Variants in CNRIP1 observed in about 807,000 individuals in gnomAD.
The protein encoded by CNRIP1 is CB1 cannabinoid receptor-interacting protein 1.
CNRIP1 carries 10 observed loss-of-function variants against 15.2 expected under a neutral mutation model. The observed-to-expected ratio is 0.66, with a 90% CI of 0.41 to 1.12. The LOEUF (loss-of-function observed/expected upper bound fraction) is 1.12. Ranked by LOEUF, CNRIP1 falls within the 50% of genes most tolerant of loss-of-function variation. CNRIP1 has a pLI of 0.00. For missense variants in CNRIP1, 211 were observed against 214.7 expected, an observed-to-expected ratio of 0.98 and a Z score of 0.11; for synonymous variants, 91 against 83.2, an observed-to-expected ratio of 1.09 and a Z score of -0.51.
At chr2:68,294,296 TA>T (rs1671267573) in intron 2 of CNRIP1, among the ~76,000 whole-genome samples, 2 of 152,336 alleles carry the variant, frequency 1.3e-5, no homozygotes, top group South Asian at 4.1e-4. Context: ...TTGCTTTTAA[TA>T]AAAATAACTG....
chr2:68,296,483 G>A (rs1441601083), intron 2 of CNRIP1, among the ~76,000 whole-genome samples: 2 of 151,948 alleles, frequency 1.3e-5, no homozygotes, highest in Admixed American at 1.3e-4. Context: ...AGGCTGCAGT[G>A]AGCTATAATC....
chr2:68,302,845 C>CTTTTTTTTT (rs1214086385), intron 2 of CNRIP1, among the ~76,000 whole-genome samples: 1 of 126,276 alleles, frequency 7.9e-6, no homozygotes, highest in African/African-American at 3.3e-5. Context: ...ATTTGAAAAA[C>CTTTTTTTTT]TTTTTTTTTT....
intron 2 of CNRIP1, among the ~76,000 whole-genome samples, chr2:68,296,849 C>T (rs1671381867): frequency 6.6e-6 from 1 of 152,072 alleles, no homozygotes; most frequent in Admixed American, 6.5e-5. Context: ...CCATGTTGGC[C>T]AGTCTGGTCT....
At chr2:68,316,879 A>G (rs1558670197) in intron 2 of CNRIP1, 4 of 601,558 alleles carry the variant, frequency 6.6e-6, no homozygotes, top group South Asian at 6.1e-5. Flanking sequence ...GAAGTAGACT[A>G]TAACTGGGAA....
At chr2:68,291,078 A>G (rs1671157014), downstream of CNRIP1, among the ~76,000 whole-genome samples, 1 of 152,180 alleles carries the variant, frequency 6.6e-6, no homozygotes. Flanking sequence ...GTAGGAGGAG[A>G]GCTATGTGAG....
chr2:68,316,143 T>C (rs1444400766), intron 2 of CNRIP1: 2 of 130,698 alleles, frequency 1.5e-5, no homozygotes, highest in African/African-American at 5.3e-5. Context: ...GGGAACACTT[T>C]AAGTTTCCAA....
chr2:68,317,191 C>G lies in CNRIP1; in HGVS notation c.296G>C (p.Ser99Thr), dbSNP rs1347084090. ...YDTEGVTPTK[S>T]GERQPIQITM... ...GATCTGGATGGGTTGCCGTTCTCCA[C>G]TCTTCGTTGGGGTCACACCTTCTGT... The change falls in exon 2 of 3, where the codon AGT becomes ACT. Residue 99 changes from serine to threonine, a missense_variant. By Grantham distance (58) the Ser-to-Thr change is moderately conservative. Transcript: ENST00000263655. 6.2e-7 allele frequency: 1 copy of G among 1,614,236 alleles called. No homozygotes were observed. Among genetic ancestry groups the G allele is most frequent in the Non-Finnish European group, 8.5e-7 (1 of 1,180,040 alleles).
chr2:68,298,093 TA>T (rs1203369083), intron 2 of CNRIP1, among the ~76,000 whole-genome samples: 1 of 152,140 alleles, frequency 6.6e-6, no homozygotes, highest in Non-Finnish European at 1.5e-5. Context: ...TAAAAATATG[TA>T]CATTCTAATG....
At chr2:68,296,593 G>A (rs1400380785) in intron 2 of CNRIP1, among the ~76,000 whole-genome samples, 2 of 138,298 alleles carry the variant, frequency 1.4e-5, no homozygotes, top group Non-Finnish European at 3.2e-5. Flanking sequence ...TTTAATGTTA[G>A]AAATCCTGAT....
exon 3 of CNRIP1, chr2:68,284,395 G>T: frequency 2.2e-6 from 3 of 1,344,622 alleles, no homozygotes; most frequent in East Asian, 2.7e-5. Flanking sequence ...AAGAACATTT[G>T]TTCCTCATGA....
chr2:68,295,073 A>G (rs560414386), intron 2 of CNRIP1, among the ~76,000 whole-genome samples: 18 of 152,280 alleles, frequency 1.2e-4, no homozygotes, highest in East Asian at 9.7e-4. Context: ...ATTAAACTGC[A>G]TGATGCCTGT....
At chr2:68,297,929 TAAGTA>T (rs1264716272) in intron 2 of CNRIP1, among the ~76,000 whole-genome samples, 1 of 152,212 alleles carries the variant, frequency 6.6e-6, no homozygotes, top group Non-Finnish European at 1.5e-5. Flanking sequence ...TATTACCTTC[TAAGTA>T]AAGAAATTGA....
At chr2:68,303,364 A>G (rs954895965) in intron 2 of CNRIP1, among the ~76,000 whole-genome samples, 1 of 152,206 alleles carries the variant, frequency 6.6e-6, no homozygotes, top group Non-Finnish European at 1.5e-5. Context: ...GGAGAAGGTC[A>G]TCATAAATGA....
In CNRIP1 at chr2:68,293,492, G is replaced by T. The variant is rs954881984; in HGVS notation, c.*370C>A. 1.6e-5 allele frequency: 16 copies of T among 1,002,720 alleles called. No homozygotes were observed. The African/African-American group carries it at 2.6e-4, about 16-fold the overall frequency. The allele number at this position is 1,002,720 out of a possible 1,614,324, so 62.1% of individuals were successfully genotyped here. ...TAAATTTAACATTGAACAAAAAAAA[G>T]GAGGAATCACTTAACTTGGAAACAA... On this transcript the variant is annotated 3_prime_UTR_variant, in exon 3 of 3. Transcript: ENST00000263655.
Position 68,319,666 on chromosome 2 carries a change from C to A in CNRIP1, c.-266G>T, listed in dbSNP as rs902146251. On this transcript the variant is annotated 5_prime_UTR_variant, in exon 1 of 3. Coordinates refer to ENST00000263655, the MANE Select transcript of CNRIP1 (RefSeq NM_015463.3). The stretch of plus-strand genomic sequence containing the variant: ...CAAGGCCGCGCGCTTCCCCATCCCC[C>A]GCTCCAGTGCTGCGCCCTCCACGCA... The A allele has an allele frequency of 2.3e-6, 1 of 431,918 alleles. No individual in the cohort carries two copies. The highest frequency in any genetic ancestry group is 3.1e-5 in the South Asian group (1 of 32,110). The allele number at this position is 431,918 out of a possible 1,614,324, so 26.8% of individuals were successfully genotyped here. A position where few individuals can be genotyped will look rare whatever the true frequency, so the allele number is the denominator to read the frequency against.
At position 68,319,300 on chromosome 2, in the gene CNRIP1, T is replaced by C; in HGVS notation, c.101A>G (p.Gln34Arg). The change falls in exon 1 of 3, where the codon CAG becomes CGG. Residue 34 changes from glutamine (Q) to arginine (R), a missense_variant. By Grantham distance (43) the Gln-to-Arg change is conservative. Coordinates refer to ENST00000263655, the MANE Select transcript of CNRIP1 (RefSeq NM_015463.3). Reference sequence around the variant, plus strand: ...GGTGAGCAGCTTGATGGTGCGGTTCTGGCCGAAGCGCTGCCCGTCCACCTT... The same window carrying C: ...GGTGAGCAGCTTGATGGTGCGGTTCCGGCCGAAGCGCTGCCCGTCCACCTT... ...FYKVDGQRFG[Q>R]NRTIKLLTGS... 1 of 1,553,882 alleles carries C rather than the reference T, an allele frequency of 6.4e-7. No individual in the cohort carries two copies.
intron 2 of CNRIP1, among the ~76,000 whole-genome samples, chr2:68,302,523 T>G (rs576772052): frequency 3.3e-4 from 51 of 152,316 alleles, no homozygotes; most frequent in African/African-American, 9.9e-4. Flanking sequence ...GGGTGTCACT[T>G]TATTAGCTCC....
chr2:68,293,926 T>C lies in CNRIP1; in HGVS notation c.431A>G (p.Glu144Gly). Residue 144 changes from glutamate (E) to glycine (G), a missense_variant, in exon 3 of 3, where the codon GAG becomes GGG. Physicochemically the swap from Glu to Gly is moderately conservative, Grantham distance 98 (BLOSUM62 -2). Coordinates refer to ENST00000263655, the MANE Select transcript of CNRIP1 (RefSeq NM_015463.3). The stretch of plus-strand genomic sequence containing the variant: ...TGTCTCGTTGGGCTTGCATTCATAC[T>C]CAATGACAGAGAAGGGGCTTCCCCA... ...CQWGSPFSVI[E>G]YECKPNETRS... 3 of 1,614,132 alleles carry C rather than the reference T, an allele frequency of 1.9e-6. No individual in the cohort carries two copies. The highest frequency in any genetic ancestry group is 1.1e-5 in the South Asian group (1 of 91,078).
downstream of CNRIP1, among the ~76,000 whole-genome samples, chr2:68,289,527 C>T (rs1671111191): frequency 6.6e-6 from 1 of 152,012 alleles, no homozygotes; most frequent in South Asian, 2.1e-4. Context: ...GTCACCCAGG[C>T]TGGAGTGTAG....
Sources: allele counts gnomAD v4.1 joint callset (sites outside exome capture counted in the v4.1 genomes callset), GRCh38; gene constraint gnomAD v4.1.1; transcripts MANE v1.5; gene names NCBI Gene and HGNC (gene_info 2026-07-23, HGNC 2026-07-21).